Variants in ABAT observed in about 807,000 individuals in gnomAD.
ABAT encodes the protein 4-aminobutyrate aminotransferase, mitochondrial.
A neutral mutation model predicts 64.6 loss-of-function variants in ABAT; 45 were observed. That is an observed-to-expected ratio of 0.70 (90% CI 0.55 to 0.89). The LOEUF (loss-of-function observed/expected upper bound fraction) is 0.89, where lower values mean the gene tolerates loss of function less well. Among genes scored for constraint, ABAT ranks in the 40% least tolerant of loss-of-function variants. ABAT has a pLI of 0.00. For missense variants in ABAT, 633 were observed against 658.4 expected (o/e 0.96, Z 0.42); for synonymous variants, 297 against 250.5 (o/e 1.19, Z -1.75).
At chr16:8,716,918 G>C (rs975494393) in intron 1 of ABAT, among the ~76,000 whole-genome samples, 3 of 152,208 alleles carry the variant, frequency 2.0e-5, no homozygotes, top group African/African-American at 7.2e-5. Context: ...ACTGTGATGT[G>C]CTGTGAGTGT....
intron 1 of ABAT, chr16:8,714,001 C>T: frequency 4.6e-6 from 2 of 435,234 alleles, no homozygotes; most frequent in Admixed American, 2.4e-5. Context: ...GGGGGGCACA[C>T]ACCCTTGTGC....
intron 1 of ABAT, among the ~76,000 whole-genome samples, chr16:8,679,504 G>A (rs1329481913): frequency 7.3e-5 from 10 of 137,248 alleles, no homozygotes; most frequent in Non-Finnish European, 1.4e-4. Flanking sequence ...TAGCTAAAAG[G>A]CAAAGGAAAA....
Position 8,764,998 on chromosome 16 carries a change from G to C in ABAT, c.540+168G>C, listed in dbSNP as rs765843511. Among the ~76,000 whole-genome samples, 14 of 152,116 alleles carry C rather than the reference G, an allele frequency of 9.2e-5. No individual in the cohort carries two copies. The highest frequency in any genetic ancestry group is 3.9e-4 in the Admixed American group (6 of 15,260). ...CTGGATGGTACTTTGAGACGGCACA[G>C]TGGGGTATGGTGCAGAGGGCTGAGG... On this transcript the variant is annotated intron_variant, in intron 8 of 15. Transcript: ENST00000268251. This position sits in a 1 kb window ranked among gnomAD's most constrained non-coding sequence, Gnocchi z 4.2.
At chr16:8,705,885 T>G (rs907479227) in intron 1 of ABAT, among the ~76,000 whole-genome samples, 1 of 152,242 alleles carries the variant, frequency 6.6e-6, no homozygotes, top group African/African-American at 2.4e-5. Flanking sequence ...CCCACATTTC[T>G]TGGTAGAGCC....
At chr16:8,704,915 G>A (rs2057906929) in intron 1 of ABAT, among the ~76,000 whole-genome samples, 1 of 152,172 alleles carries the variant, frequency 6.6e-6, no homozygotes, top group African/African-American at 2.4e-5. Context: ...CGAACTCCTG[G>A]CCTCAAGCAA....
intron 3 of ABAT, among the ~76,000 whole-genome samples, chr16:8,747,201 C>T (rs943101550): frequency 2.6e-5 from 4 of 152,202 alleles, no homozygotes; most frequent in African/African-American, 9.7e-5. Flanking sequence ...ATCCAAACAA[C>T]AGTGAAAGAA....
In ABAT at chr16:8,732,959, G is replaced by A. The variant is rs1416771962; in HGVS notation, c.-41-2740G>A. Among the ~76,000 whole-genome samples, 35 of 149,402 alleles carry A rather than the reference G, an allele frequency of 2.3e-4. 1 individual carries two copies. Among genetic ancestry groups the A allele is most frequent in the African/African-American group, 3.1e-4 (12 of 39,272 alleles). Reference sequence around the variant, plus strand: ...CCCCTACCTCCCTCCCGGACGGGGCGGCTGGCCGGGCGGGGGGCTGATGCC... The same window carrying A: ...CCCCTACCTCCCTCCCGGACGGGGCAGCTGGCCGGGCGGGGGGCTGATGCC... On this transcript the variant is annotated intron_variant, in intron 1 of 15. Coordinates refer to ENST00000268251, the MANE Select transcript of ABAT (RefSeq NM_020686.6).
intron 11 of ABAT, among the ~76,000 whole-genome samples, chr16:8,770,858 A>C (rs1025922397): frequency 6.6e-6 from 1 of 152,214 alleles, no homozygotes; most frequent in African/African-American, 2.4e-5. Flanking sequence ...ATTTTTAAAC[A>C]ATGTGATTTT....
At chr16:8,726,319 G>T (rs1423196634) in intron 1 of ABAT, among the ~76,000 whole-genome samples, 1 of 132,252 alleles carries the variant, frequency 7.6e-6, no homozygotes, top group East Asian at 2.2e-4. Flanking sequence ...GGAGTGCAGT[G>T]GCGCCATCTC....
Position 8,763,035 on chromosome 16 carries a change from G to A in ABAT, c.367-1034G>A, listed in dbSNP as rs999773984. On this transcript the variant is annotated intron_variant, in intron 6 of 15. Transcript: ENST00000268251. ...GAGGTGGGAGGATCACTTGAGTCTC[G>A]GAGGTTGAGGCTGCAGTAAGCTGAT... is the stretch of plus-strand genomic sequence containing the variant. 3.3e-5 allele frequency among the ~76,000 whole-genome samples: 5 copies of A among 151,456 alleles called. No individual in the cohort carries two copies. The East Asian group carries it at 7.8e-4, about 24-fold the overall frequency.
intron 1 of ABAT, among the ~76,000 whole-genome samples, chr16:8,732,970 C>G (rs1414807591): frequency 2.0e-5 from 3 of 147,030 alleles, no homozygotes; most frequent in South Asian, 2.1e-4. Flanking sequence ...GCTGGCCGGG[C>G]GGGGGGCTGA....
Position 8,735,735 on chromosome 16 carries a change from G to C in ABAT, c.-5G>C. 1 of 1,600,906 alleles carries C rather than the reference G, an allele frequency of 6.2e-7. No homozygotes were observed. The highest frequency in any genetic ancestry group is 2.2e-5 in the East Asian group (1 of 44,594). On this transcript the variant is annotated 5_prime_UTR_variant, in exon 2 of 16. Coordinates refer to ENST00000268251, the MANE Select transcript of ABAT (RefSeq NM_020686.6). ...GCAAAGGGTGTCCCTGTCCCTCAAG[G>C]GGTCATGGCCTCCATGTTGCTCGCC... is the stretch of plus-strand genomic sequence containing the variant.
chr16:8,737,991 G>GGAA lies in ABAT; in HGVS notation c.70+2183_70+2185dup, dbSNP rs1567295685. 2.3e-3 allele frequency among the ~76,000 whole-genome samples: 35 copies of GGAA among 14,960 alleles called. 6 individuals are homozygous for GGAA. Among genetic ancestry groups the GGAA allele is most frequent in the Admixed American group, 5.6e-3 (6 of 1,070 alleles). The allele number at this position is 14,960 out of a possible 152,430, so 9.8% of individuals were successfully genotyped here. On this transcript the variant is annotated intron_variant, in intron 2 of 15. Coordinates refer to ENST00000268251, the MANE Select transcript of ABAT (RefSeq NM_020686.6). The stretch of plus-strand genomic sequence containing the variant: ...AAGGAAGGAAGGAAGGAAGGAAGGA[G>GGAA]GAAAGAAAGAAAGAAAGAAAGAAAG...
At chr16:8,685,127 A>C (rs1387472133) in intron 1 of ABAT, among the ~76,000 whole-genome samples, 2 of 151,246 alleles carry the variant, frequency 1.3e-5, no homozygotes, top group Non-Finnish European at 3.0e-5. Flanking sequence ...TCTACCAAAA[A>C]TACAAAAAAT....
rs55862439 is a variant in ABAT, at chr16:8,737,991, G to GAGAAAGAAAGAAA, written c.70+2182_70+2183insAGAAAGAAAGAAA. ...AAGGAAGGAAGGAAGGAAGGAAGGA[G>GAGAAAGAAAGAAA]GAAAGAAAGAAAGAAAGAAAGAAAG... On this transcript the variant is annotated intron_variant, in intron 2 of 15. Transcript: ENST00000268251. Among the ~76,000 whole-genome samples, 4 of 14,952 alleles carry GAGAAAGAAAGAAA rather than the reference G, an allele frequency of 2.7e-4. 1 individual carries two copies. The highest frequency in any genetic ancestry group is 1.1e-3 in the African/African-American group (4 of 3,526). 9.8% of individuals were successfully genotyped at this position (14,952 alleles called of 152,430 possible). A position where few individuals can be genotyped will look rare whatever the true frequency, so the allele number is the denominator to read the frequency against.
chr16:8,690,587 T>G (rs1248722013), intron 1 of ABAT, among the ~76,000 whole-genome samples: 1 of 152,236 alleles, frequency 6.6e-6, no homozygotes, highest in Non-Finnish European at 1.5e-5. Flanking sequence ...GATTCTGAGA[T>G]GTTTCCAATC....
At chr16:8,675,531 C>T (rs1409153864) in intron 1 of ABAT, among the ~76,000 whole-genome samples, 1 of 152,124 alleles carries the variant, frequency 6.6e-6, no homozygotes, top group East Asian at 1.9e-4. Context: ...TCCTTCTCCA[C>T]CTCACCCCAA....
chr16:8,746,711 CAAAAAA>C (rs988350809), intron 3 of ABAT, among the ~76,000 whole-genome samples: 5 of 132,676 alleles, frequency 3.8e-5, no homozygotes, highest in East Asian at 2.2e-4. Context: ...GACTCTGTCT[CAAAAAA>C]AAAAAAGAAA....
chr16:8,775,264 A>G (rs1470269742), intron 13 of ABAT, among the ~76,000 whole-genome samples: 1 of 99,874 alleles, frequency 1.0e-5, no homozygotes, highest in Non-Finnish European at 2.2e-5. Flanking sequence ...GTCCACCATC[A>G]GCCTTTTCCT....
Sources: allele counts gnomAD v4.1 joint callset (sites outside exome capture counted in the v4.1 genomes callset), GRCh38; gene constraint gnomAD v4.1.1; non-coding constraint Gnocchi (gnomAD v3.1); transcripts MANE v1.5; gene names NCBI Gene and HGNC (gene_info 2026-07-23, HGNC 2026-07-21).